ATP2B4: variants seen among roughly 807,000 people sequenced by gnomAD.
ATP2B4 encodes ATPase plasma membrane Ca2+ transporting 4.
Under a neutral mutation model 110.3 loss-of-function variants are expected in ATP2B4, and 39 were observed. The ratio of observed to expected loss-of-function variants is 0.35; its 90% CI spans 0.27 to 0.46. ATP2B4 has a LOEUF of 0.46. Among genes scored for constraint, ATP2B4 ranks in the 20% least tolerant of loss-of-function variants. The pLI is 1.00. For synonymous variants in ATP2B4, 538 were observed against 571.7 expected (o/e 0.94, Z 0.84); for missense variants, 1,135 against 1,530.9 (o/e 0.74, Z 4.32).
At chr1:203,735,842 G>C (rs1290207069) in intron 20 of ATP2B4, among the ~76,000 whole-genome samples, 1 of 152,116 alleles carries the variant, frequency 6.6e-6, no homozygotes, top group Non-Finnish European at 1.5e-5. Flanking sequence ...TGATAGGAAG[G>C]GTTAGTGTCA....
intron 10 of ATP2B4, among the ~76,000 whole-genome samples, chr1:203,709,070 T>A (rs953023377): frequency 1.3e-5 from 2 of 151,822 alleles, no homozygotes; most frequent in African/African-American, 4.8e-5. Context: ...GGCAGAAGAA[T>A]CACTTGAACC....
intron 1 of ATP2B4, among the ~76,000 whole-genome samples, 173 bp downstream of exon 1, chr1:203,627,392 T>C (rs1162803986): frequency 6.6e-6 from 1 of 152,230 alleles, no homozygotes; most frequent in African/African-American, 2.4e-5. Flanking sequence ...AAATACTGTT[T>C]TACCTATTAT....
At chr1:203,652,303 C>T (rs934519173) in intron 1 of ATP2B4, among the ~76,000 whole-genome samples, 1 of 151,902 alleles carries the variant, frequency 6.6e-6, no homozygotes, top group Non-Finnish European at 1.5e-5. Context: ...GCCTCCATGC[C>T]CGGCTAATTT....
At chr1:203,665,334 G>A (rs1017488716) in intron 1 of ATP2B4, among the ~76,000 whole-genome samples, 2 of 152,236 alleles carry the variant, frequency 1.3e-5, no homozygotes, top group East Asian at 3.8e-4. Flanking sequence ...ACGCTGTGAT[G>A]AGCTCTCTCC....
chr1:203,653,782 C>A (rs751182177), intron 1 of ATP2B4, among the ~76,000 whole-genome samples: 5 of 151,838 alleles, frequency 3.3e-5, no homozygotes, highest in Non-Finnish European at 5.9e-5. Context: ...GTCTCAAACT[C>A]CTGACCTCAA....
intron 1 of ATP2B4, among the ~76,000 whole-genome samples, chr1:203,633,943 G>A (rs1299529314): frequency 2.6e-5 from 4 of 151,984 alleles, no homozygotes; most frequent in Admixed American, 6.5e-5. Context: ...CCAGCTACTC[G>A]GGAGGCTGAG....
intron 1 of ATP2B4, among the ~76,000 whole-genome samples, chr1:203,638,160 C>T (rs959764781): frequency 3.9e-5 from 6 of 152,132 alleles, no homozygotes; most frequent in African/African-American, 1.4e-4. Flanking sequence ...GTGCTGCTAC[C>T]ACCCGACTGA....
chr1:203,709,237 C>A, intron 10 of ATP2B4, 64 bp from the exon 11 acceptor site: 1 of 1,595,008 alleles, frequency 6.3e-7, no homozygotes, highest in South Asian at 1.1e-5. Flanking sequence ...AGTTCTTTCT[C>A]CCTAAGTTCT....
rs144532650 is a variant in ATP2B4 at position 203,743,596 on chromosome 1, G to A, written c.*3742G>A. On this transcript the variant is annotated 3_prime_UTR_variant, in exon 21 of 21. Coordinates refer to ENST00000357681, the MANE Select transcript of ATP2B4 (RefSeq NM_001684.5). ...ATATGTGAATATGCCATATATATGT[G>A]CCAACAAATCTATCTACGTTGTTCT... 6.5e-6 allele frequency: 1 copy of A among 152,704 alleles called. No homozygotes were observed. The highest frequency in any genetic ancestry group is 2.4e-5 in the African/African-American group (1 of 41,554). The allele number at this position is 152,704 out of a possible 1,614,324, so 9.5% of individuals were successfully genotyped here.
intron 2 of ATP2B4, 126 bp from the exon 3 acceptor site, chr1:203,698,031 G>A (rs1371688699): frequency 1.6e-5 from 12 of 762,454 alleles, no homozygotes; most frequent in Non-Finnish European, 2.6e-5. Flanking sequence ...TTTTGAGACA[G>A]CGTCTCTCTC....
chr1:203,636,512 T>G (rs1218804623), intron 1 of ATP2B4, among the ~76,000 whole-genome samples: 1 of 152,180 alleles, frequency 6.6e-6, no homozygotes, highest in Non-Finnish European at 1.5e-5. Flanking sequence ...ATTCCCCTTC[T>G]GTGTTGGTGA....
At chr1:203,656,024 C>A (rs1301814124) in intron 1 of ATP2B4, among the ~76,000 whole-genome samples, 4 of 151,760 alleles carry the variant, frequency 2.6e-5, no homozygotes, top group African/African-American at 2.4e-5. Context: ...CTCAACTCAG[C>A]CTCCCGAGTA....
intron 2 of ATP2B4, among the ~76,000 whole-genome samples, chr1:203,686,994 C>CTTTT (rs11329273): frequency 5.8e-5 from 5 of 86,474 alleles, no homozygotes; most frequent in Admixed American, 1.6e-4. Flanking sequence ...GGCATCTGGC[C>CTTTT]TTTTTTTTTT....
In ATP2B4 at chr1:203,701,713, T is replaced by C. The variant is rs78189029; in HGVS notation, c.902-331T>C. Among the ~76,000 whole-genome samples the C allele has an allele frequency of 1.9e-3, 285 of 152,346 alleles. 6 individuals are homozygous for C. In the East Asian group the frequency reaches 0.031, roughly 17 times the overall value. Reference sequence around the variant, plus strand: ...GAGACACCTTTCAAAGTCTTTGCCATCAGGCAGAAACGGTTCAAACCTCTC... The same window carrying C: ...GAGACACCTTTCAAAGTCTTTGCCACCAGGCAGAAACGGTTCAAACCTCTC... On this transcript the variant is annotated intron_variant, in intron 6 of 20. Transcript: ENST00000357681.
intron 1 of ATP2B4, among the ~76,000 whole-genome samples, chr1:203,631,786 T>C (rs550310185): frequency 6.6e-6 from 1 of 152,080 alleles, no homozygotes; most frequent in South Asian, 2.1e-4. Context: ...ACAAGGTGAT[T>C]TTTGTTTGTT....
rs1406648324 is a variant in ATP2B4, at chr1:203,722,462, C to T, written c.2813-16C>T. 2 of 1,592,446 alleles carry T rather than the reference C, an allele frequency of 1.3e-6. No homozygotes were observed. Among genetic ancestry groups the T allele is most frequent in the Non-Finnish European group, 1.7e-6 (2 of 1,160,342 alleles). On this transcript the variant is annotated splice_polypyrimidine_tract_variant and intron_variant, in intron 17 of 20. Transcript: ENST00000357681. ...AGACCACACTTAACCTCCAGTGCTT[C>T]TCCTCTCCCCACTAGGTGAGAAATT...
At chr1:203,696,466 CT>C (rs1273471100) in intron 2 of ATP2B4, among the ~76,000 whole-genome samples, 1 of 152,190 alleles carries the variant, frequency 6.6e-6, no homozygotes, top group Non-Finnish European at 1.5e-5. Context: ...CCCTCCTCAG[CT>C]GCTAACCTTT....
chr1:203,693,193 G>T (rs1419159503), intron 2 of ATP2B4, among the ~76,000 whole-genome samples: 1 of 152,160 alleles, frequency 6.6e-6, no homozygotes, highest in Non-Finnish European at 1.5e-5. Context: ...AAGTATTTGT[G>T]TGAAATTACA....
At chr1:203,734,580 C>T (rs1270993796) in intron 20 of ATP2B4, among the ~76,000 whole-genome samples, 4 of 150,996 alleles carry the variant, frequency 2.6e-5, no homozygotes, top group African/African-American at 7.3e-5. Flanking sequence ...ATGGTGCGTG[C>T]CTGTAATCCC....
Sources: allele counts gnomAD v4.1 joint callset (sites outside exome capture counted in the v4.1 genomes callset), GRCh38; gene constraint gnomAD v4.1.1; transcripts MANE v1.5; gene names NCBI Gene and HGNC (gene_info 2026-07-23, HGNC 2026-07-21).